Variants in UBE2E2 observed in about 807,000 individuals in gnomAD.
UBE2E2 encodes the protein ubiquitin-conjugating enzyme E2 E2.
Under a neutral mutation model 24.7 loss-of-function variants are expected in UBE2E2, and 6 were observed. That is an observed-to-expected ratio of 0.24 (90% CI 0.13 to 0.48). The LOEUF (loss-of-function observed/expected upper bound fraction) is 0.48, where lower values mean the gene tolerates loss of function less well. Among genes scored for constraint, UBE2E2 ranks in the 20% least tolerant of loss-of-function variants. The pLI, the probability that UBE2E2 is intolerant of heterozygous loss-of-function variation, is 0.99. For missense variants in UBE2E2, 169 were observed against 245.0 expected (o/e 0.69, Z 2.07); for synonymous variants, 104 against 83.6 (o/e 1.24, Z -1.33).
chr3:23,401,805 C>T (rs1214819434), intron 3 of UBE2E2, among the ~76,000 whole-genome samples: 4 of 151,124 alleles, frequency 2.6e-5, no homozygotes, highest in Non-Finnish European at 5.9e-5. Flanking sequence ...CTCAGCCTCC[C>T]GAGTAGCTTG....
chr3:23,456,691 A>G (rs1220839168), intron 3 of UBE2E2, among the ~76,000 whole-genome samples: 1 of 152,220 alleles, frequency 6.6e-6, no homozygotes, highest in Non-Finnish European at 1.5e-5. Flanking sequence ...TGTGCAGTAA[A>G]CAAGTGTGCT....
At chr3:23,510,353 TC>T (rs1236441613) in intron 4 of UBE2E2, among the ~76,000 whole-genome samples, 3 of 152,186 alleles carry the variant, frequency 2.0e-5, no homozygotes, top group Non-Finnish European at 2.9e-5. Context: ...ACGCCTGTAA[TC>T]CCAGCACTTT....
chr3:23,544,741 C>T (rs1291210657), intron 5 of UBE2E2, among the ~76,000 whole-genome samples: 2 of 152,084 alleles, frequency 1.3e-5, no homozygotes, highest in South Asian at 2.1e-4. Flanking sequence ...GAAAAAGACA[C>T]AGAGACAAAG....
At chr3:23,421,628 G>A (rs1026015131) in intron 3 of UBE2E2, among the ~76,000 whole-genome samples, 17 of 151,918 alleles carry the variant, frequency 1.1e-4, no homozygotes, top group African/African-American at 3.6e-4. Context: ...GGCTGGTCTC[G>A]AACTCCTGAC....
intron 3 of UBE2E2, among the ~76,000 whole-genome samples, chr3:23,266,055 G>A (rs1425968122): frequency 3.3e-5 from 5 of 152,104 alleles, no homozygotes; most frequent in African/African-American, 1.2e-4. Context: ...CACGTGAGAT[G>A]GGTTCCCTGA....
intron 3 of UBE2E2, among the ~76,000 whole-genome samples, chr3:23,394,839 C>T (rs555953058): frequency 1.4e-4 from 21 of 152,240 alleles, no homozygotes; most frequent in African/African-American, 4.3e-4. Flanking sequence ...AGCTTTCAGT[C>T]CACTCAATTC....
intron 3 of UBE2E2, among the ~76,000 whole-genome samples, chr3:23,228,976 G>A (rs1388238046): frequency 7.2e-6 from 1 of 139,238 alleles, no homozygotes; most frequent in Non-Finnish European, 1.6e-5. Flanking sequence ...CCTGAGTATC[G>A]ACCATTTTTC....
At chr3:23,414,095 A>G (rs1317117188) in intron 3 of UBE2E2, among the ~76,000 whole-genome samples, 1 of 152,196 alleles carries the variant, frequency 6.6e-6, no homozygotes, top group African/African-American at 2.4e-5. Context: ...CCCAAATGGT[A>G]GATTATCCCA....
intron 5 of UBE2E2, among the ~76,000 whole-genome samples, chr3:23,533,110 C>G (rs376063267): frequency 6.6e-6 from 1 of 152,128 alleles, no homozygotes; most frequent in South Asian, 2.1e-4. Context: ...ACCATGCAGA[C>G]GTGACCTTTT....
intron 3 of UBE2E2, among the ~76,000 whole-genome samples, chr3:23,353,778 G>A (rs1444117437): frequency 1.3e-5 from 2 of 151,770 alleles, no homozygotes; most frequent in Non-Finnish European, 2.9e-5. Flanking sequence ...TCATGGGTAG[G>A]AAGAATCAAT....
chr3:23,493,670 T>C (rs1699544968), intron 3 of UBE2E2, among the ~76,000 whole-genome samples: 1 of 152,216 alleles, frequency 6.6e-6, no homozygotes, highest in African/African-American at 2.4e-5. Context: ...TCATTGATAA[T>C]TTGGATTTCC....
chr3:23,391,701 T>A (rs1696939157), intron 3 of UBE2E2, among the ~76,000 whole-genome samples: 1 of 152,176 alleles, frequency 6.6e-6, no homozygotes, highest in Non-Finnish European at 1.5e-5. Flanking sequence ...CTTCTGAAAT[T>A]TGAAGAGCCA....
intron 5 of UBE2E2, among the ~76,000 whole-genome samples, chr3:23,550,322 C>T (rs1695614192): frequency 6.6e-6 from 1 of 152,150 alleles, no homozygotes. Flanking sequence ...TTCCCCTATG[C>T]AACCCCATGT....
chr3:23,323,631 C>A, intron 3 of UBE2E2: 1 of 412,026 alleles, frequency 2.4e-6, no homozygotes, highest in Non-Finnish European at 4.8e-6. Flanking sequence ...AATAAAATAT[C>A]CAAAACACTT....
intron 3 of UBE2E2, among the ~76,000 whole-genome samples, chr3:23,428,553 T>C (rs1697982942): frequency 6.6e-6 from 1 of 152,086 alleles, no homozygotes; most frequent in African/African-American, 2.4e-5. Flanking sequence ...TTAGTGTATA[T>C]ATTAATGAAA....
chr3:23,386,887 A>G (rs958642068), intron 3 of UBE2E2, among the ~76,000 whole-genome samples: 5 of 152,218 alleles, frequency 3.3e-5, no homozygotes, highest in African/African-American at 7.2e-5. Flanking sequence ...CAGAACCCAT[A>G]TCTTCATACT....
chr3:23,265,484 G>A (rs1452323260), intron 3 of UBE2E2, among the ~76,000 whole-genome samples: 2 of 152,110 alleles, frequency 1.3e-5, no homozygotes, highest in Non-Finnish European at 2.9e-5. Context: ...GCCTGCTGAA[G>A]GGGGACTAGG....
At chr3:23,263,126 G>A (rs1697947697) in intron 3 of UBE2E2, among the ~76,000 whole-genome samples, 2 of 152,114 alleles carry the variant, frequency 1.3e-5, no homozygotes, top group Non-Finnish European at 2.9e-5. Context: ...AGAGCATGAG[G>A]TGATACAGCA....
At position 23,444,309 on chromosome 3, in the gene UBE2E2, C is replaced by G. The variant is rs150220292; in HGVS notation, c.228-55299C>G. Among the ~76,000 whole-genome samples, 653 of 152,102 alleles carry G rather than the reference C, an allele frequency of 4.3e-3. 5 individuals carry two copies. The highest frequency in any genetic ancestry group is 5.4e-3 in the Non-Finnish European group (364 of 67,978). The stretch of plus-strand genomic sequence containing the variant: ...TGCAGTCTTTGCTTCTTGTGGTGGT[C>G]CAGATTGAATATTCCTAGCAGTAAC... On this transcript the variant is annotated intron_variant, in intron 3 of 5. Transcript: ENST00000396703.
Sources: allele counts gnomAD v4.1 joint callset (sites outside exome capture counted in the v4.1 genomes callset), GRCh38; gene constraint gnomAD v4.1.1; transcripts MANE v1.5; gene names NCBI Gene and HGNC (gene_info 2026-07-23, HGNC 2026-07-21).